The following ARID1B variants were observed in gnomAD, a reference collection of about 807,000 sequenced individuals.
ARID1B encodes the protein AT-rich interactive domain-containing protein 1B.
In ARID1B, 30 loss-of-function variants were observed where a neutral mutation model predicts 212.3. The observed-to-expected ratio is 0.14, with a 90% CI of 0.11 to 0.19. ARID1B has a LOEUF of 0.19. Ranked by LOEUF, ARID1B falls within the 10% of genes least tolerant of loss-of-function variation. The pLI, the probability that ARID1B is intolerant of heterozygous loss-of-function variation, is 1.00. For missense variants in ARID1B, 2,891 were observed against 3,204.0 expected (o/e 0.90, Z 2.36); for synonymous variants, 1,402 against 1,301.7 (o/e 1.08, Z -1.66).
intron 4 of ARID1B, among the ~76,000 whole-genome samples, chr6:156,969,636 A>G (rs1776781991): frequency 6.6e-6 from 1 of 152,236 alleles, no homozygotes; most frequent in Admixed American, 6.5e-5. Context: ...CAAGCTACTT[A>G]ACCACTTTCA....
Position 157,201,190 on chromosome 6 carries a change from C to T in ARID1B, c.4965C>T (p.Ile1655=), listed in dbSNP as rs150010654. Residue 1655 remains isoleucine, a synonymous_variant, in exon 18 of 20, where the codon ATC becomes ATT. Coordinates refer to ENST00000636930, the MANE Select transcript of ARID1B (RefSeq NM_001374828.1). The surrounding 1 kb of genome is among the most constrained non-coding windows in gnomAD (Gnocchi z 5.2). ...CGTCCTCAGCCTCCATGCAGCCCATCACACGCCCACCACAGCCGTCCTACC... is the reference window on the plus strand; with the variant it reads ...CGTCCTCAGCCTCCATGCAGCCCATTACACGCCCACCACAGCCGTCCTACC... The part of the protein sequence containing the change: ...YMSSSASMQP[I]TRPPQPSYQT... 5.7e-4 allele frequency: 926 copies of T among 1,613,964 alleles called. 9 individuals carry two copies. The African/African-American group carries it at 0.011, about 19-fold the overall frequency.
intron 4 of ARID1B, among the ~76,000 whole-genome samples, chr6:157,031,926 AGCTGGGACTACCG>A (rs2128496560): frequency 6.6e-6 from 1 of 152,096 alleles, no homozygotes; most frequent in Non-Finnish European, 1.5e-5. Flanking sequence ...CCTCCCAAGT[AGCTGGGACTACCG>A]GCATGCGCCA....
At chr6:157,093,963 G>T (rs536978373) in intron 5 of ARID1B, among the ~76,000 whole-genome samples, 1 of 152,164 alleles carries the variant, frequency 6.6e-6, no homozygotes, top group Non-Finnish European at 1.5e-5. Flanking sequence ...TCCTGTCCTC[G>T]TGAAACTTAA....
intron 13 of ARID1B, among the ~76,000 whole-genome samples, chr6:157,187,712 A>G (rs1793068668): frequency 6.6e-6 from 1 of 151,804 alleles, no homozygotes; most frequent in Non-Finnish European, 1.5e-5. Context: ...TCCTCTATTA[A>G]TGGAGTTACA....
chr6:157,127,501 A>G (rs1788210586), intron 6 of ARID1B, among the ~76,000 whole-genome samples: 2 of 151,844 alleles, frequency 1.3e-5, no homozygotes, highest in Non-Finnish European at 2.9e-5. Context: ...TTAGAAATAC[A>G]AAAATTACGC....
At chr6:156,925,257 G>T (rs1402056218) in intron 3 of ARID1B, among the ~76,000 whole-genome samples, 1 of 152,180 alleles carries the variant, frequency 6.6e-6, no homozygotes, top group Non-Finnish European at 1.5e-5. Flanking sequence ...TGAATTGCAG[G>T]CGTTTTGCAG....
chr6:157,131,372 G>A (rs968589303), intron 6 of ARID1B, among the ~76,000 whole-genome samples: 2 of 152,144 alleles, frequency 1.3e-5, no homozygotes, highest in Non-Finnish European at 2.9e-5. Context: ...GAAGGAAGGT[G>A]AGTGGGAAAG....
At chr6:157,059,473 C>CT (rs1220349498) in intron 4 of ARID1B, among the ~76,000 whole-genome samples, 1 of 152,266 alleles carries the variant, frequency 6.6e-6, no homozygotes, top group East Asian at 1.9e-4. Flanking sequence ...TTAAAAGAGT[C>CT]TGATTCATGT....
intron 4 of ARID1B, among the ~76,000 whole-genome samples, chr6:156,976,046 G>C (rs1358943147): frequency 6.6e-6 from 1 of 151,936 alleles, no homozygotes; most frequent in Non-Finnish European, 1.5e-5. Context: ...AAGGACGGGG[G>C]AATATCATAA....
chr6:157,150,753 C>G (rs1031074720), intron 8 of ARID1B: 2 of 181,396 alleles, frequency 1.1e-5, no homozygotes, highest in African/African-American at 4.7e-5. Context: ...GCCTGCTTAT[C>G]CCAGCCAGTC....
At chr6:157,007,306 T>C (rs1035963806) in intron 4 of ARID1B, among the ~76,000 whole-genome samples, 1 of 152,248 alleles carries the variant, frequency 6.6e-6, no homozygotes. Context: ...TTTTCTAAGT[T>C]TTCTGTATTT....
intron 2 of ARID1B, among the ~76,000 whole-genome samples, chr6:156,838,259 A>T (rs1783647766): frequency 6.6e-6 from 1 of 152,198 alleles, no homozygotes; most frequent in South Asian, 2.1e-4. Flanking sequence ...AAGTCAGACT[A>T]ATGTTAATAG....
chr6:156,852,887 G>A (rs1784672520), intron 2 of ARID1B, among the ~76,000 whole-genome samples: 1 of 152,142 alleles, frequency 6.6e-6, no homozygotes, highest in Admixed American at 6.5e-5. Flanking sequence ...AATTGGGAGA[G>A]CAAAAGGTTT....
intron 4 of ARID1B, chr6:156,977,051 A>T (rs1344315618): frequency 9.6e-6 from 4 of 416,958 alleles, no homozygotes; most frequent in African/African-American, 4.2e-5. Context: ...CAGCAGGGAA[A>T]ATCCTGGAAT....
At chr6:156,914,948 A>G (rs1017703206) in intron 3 of ARID1B, among the ~76,000 whole-genome samples, 5 of 152,058 alleles carry the variant, frequency 3.3e-5, no homozygotes, top group Admixed American at 1.3e-4. Flanking sequence ...AATAAGATTT[A>G]TGAGTGGAAG....
chr6:157,180,879 T>C, intron 11 of ARID1B, 90 bp from the exon 12 acceptor site: 2 of 1,062,964 alleles, frequency 1.9e-6, no homozygotes, highest in South Asian at 1.5e-5. Flanking sequence ...TCTCTTCTTG[T>C]ATTTGTTAGC....
Position 157,028,532 on chromosome 6 carries a change from A to G in ARID1B, c.2248-56130A>G, listed in dbSNP as rs144103455. Among the ~76,000 whole-genome samples the G allele has an allele frequency of 4.4e-3, 673 of 152,358 alleles. 4 individuals are homozygous for G. The highest frequency in any genetic ancestry group is 0.015 in the African/African-American group (641 of 41,586). Reference sequence around the variant, plus strand: ...ACATGTGTTGCATTGGAAAGGCCAAATGAAATAATGAATAGATAACTATAT... The same window carrying G: ...ACATGTGTTGCATTGGAAAGGCCAAGTGAAATAATGAATAGATAACTATAT... On this transcript the variant is annotated intron_variant, in intron 4 of 19. Transcript: ENST00000636930.
intron 9 of ARID1B, chr6:157,168,873 T>C (rs2128294437): frequency 6.6e-6 from 1 of 152,344 alleles, no homozygotes; most frequent in Admixed American, 6.5e-5. Context: ...TTTTGAAACA[T>C]TGAATTTTTA....
intron 1 of ARID1B, among the ~76,000 whole-genome samples, chr6:156,808,471 A>G (rs1562400617): frequency 6.6e-6 from 1 of 152,220 alleles, no homozygotes; most frequent in Non-Finnish European, 1.5e-5. Flanking sequence ...TGTGGGCTCC[A>G]GCCTACATTG....
Sources: allele counts gnomAD v4.1 joint callset (sites outside exome capture counted in the v4.1 genomes callset), GRCh38; gene constraint gnomAD v4.1.1; non-coding constraint Gnocchi (gnomAD v3.1); transcripts MANE v1.5; gene names NCBI Gene and HGNC (gene_info 2026-07-23, HGNC 2026-07-21).